LRTM1: variants seen among roughly 807,000 people sequenced by gnomAD.
LRTM1 encodes leucine-rich repeat and transmembrane domain-containing protein 1.
Under a neutral mutation model 32.4 loss-of-function variants are expected in LRTM1, and 38 were observed. That is an observed-to-expected ratio of 1.17 (90% CI 0.91 to 1.54). The LOEUF (loss-of-function observed/expected upper bound fraction) is 1.54. LRTM1 is among the 40% of genes most tolerant of loss of function. The pLI is 0.00. For missense variants in LRTM1, 466 were observed against 415.4 expected, an observed-to-expected ratio of 1.12 and a Z score of -1.06; for synonymous variants, 186 against 169.9, an observed-to-expected ratio of 1.09 and a Z score of -0.74.
At chr3:54,950,350 T>C (rs1701728034) in intron 1 of LRTM1, among the ~76,000 whole-genome samples, 1 of 152,186 alleles carries the variant, frequency 6.6e-6, no homozygotes, top group Non-Finnish European at 1.5e-5. Context: ...AAAGGCCCCT[T>C]TTAATCTGCT....
intron 1 of LRTM1, among the ~76,000 whole-genome samples, chr3:54,949,388 A>T (rs1437852831): frequency 4.6e-5 from 7 of 152,214 alleles, no homozygotes; most frequent in Non-Finnish European, 8.8e-5. Context: ...TGGCAAAAGT[A>T]ACAGCTGTCT....
intron 1 of LRTM1, among the ~76,000 whole-genome samples, chr3:54,952,901 G>A (rs1050229197): frequency 2.0e-5 from 3 of 152,138 alleles, no homozygotes; most frequent in Non-Finnish European, 2.9e-5. Flanking sequence ...ACTAGGTCTG[G>A]CTTACTTGTC....
upstream of LRTM1, among the ~76,000 whole-genome samples, chr3:54,932,530 T>G (rs1161383270): frequency 6.6e-6 from 1 of 152,212 alleles, no homozygotes; most frequent in Non-Finnish European, 1.5e-5. Flanking sequence ...CACATTTCCT[T>G]TACTGGAATA....
intron 1 of LRTM1, among the ~76,000 whole-genome samples, chr3:54,934,834 T>A (rs1245290327): frequency 6.6e-6 from 1 of 152,064 alleles, no homozygotes; most frequent in Non-Finnish European, 1.5e-5. Context: ...AAGGTTCAAG[T>A]GATTCTCATG....
chr3:54,919,029 T>A, intron 2 of LRTM1, 137 bp from the exon 3 acceptor site: 3 of 672,558 alleles, frequency 4.5e-6, no homozygotes, highest in Non-Finnish European at 6.8e-6. Context: ...TCAAAGAATT[T>A]AACAACCATA....
At chr3:54,952,779 C>T (rs1035199278) in intron 1 of LRTM1, among the ~76,000 whole-genome samples, 39 of 152,174 alleles carry the variant, frequency 2.6e-4, no homozygotes, top group African/African-American at 9.2e-4. Context: ...TCAATGCCCT[C>T]AGCTGTAGAA....
chr3:54,921,666 G>A (rs759779921), intron 2 of LRTM1, among the ~76,000 whole-genome samples: 33 of 152,098 alleles, frequency 2.2e-4, no homozygotes, highest in Admixed American at 7.2e-4. Context: ...CGTGTAATCC[G>A]CCATGCATTT....
chr3:54,962,219 A>G (rs1702047352), intron 1 of LRTM1, among the ~76,000 whole-genome samples: 1 of 152,200 alleles, frequency 6.6e-6, no homozygotes, highest in South Asian at 2.1e-4. Context: ...ACCATAGCAC[A>G]GGTTTTGAAT....
chr3:54,938,089 A>C (rs943425587), intron 1 of LRTM1, among the ~76,000 whole-genome samples: 1 of 152,178 alleles, frequency 6.6e-6, no homozygotes, highest in African/African-American at 2.4e-5. Flanking sequence ...TTTGATGTGG[A>C]GTTGGCAGTT....
chr3:54,942,229 C>G (rs899376416), intron 1 of LRTM1, among the ~76,000 whole-genome samples: 3 of 152,128 alleles, frequency 2.0e-5, no homozygotes, highest in African/African-American at 7.2e-5. Flanking sequence ...TAACGCCAGC[C>G]CATGGTCCCT....
intron 2 of LRTM1, among the ~76,000 whole-genome samples, chr3:54,920,197 C>T (rs1430153534): frequency 6.6e-6 from 1 of 152,226 alleles, no homozygotes; most frequent in Non-Finnish European, 1.5e-5. Context: ...TATTAGCACC[C>T]TCCATTGCAT....
At chr3:54,957,337 T>TG (rs1342702798) in intron 1 of LRTM1, among the ~76,000 whole-genome samples, 2 of 151,984 alleles carry the variant, frequency 1.3e-5, no homozygotes, top group Non-Finnish European at 2.9e-5. Context: ...TTTATAGAGA[T>TG]GGGGTCTCAC....
At chr3:54,938,580 A>C (rs1701385529) in intron 1 of LRTM1, among the ~76,000 whole-genome samples, 1 of 152,098 alleles carries the variant, frequency 6.6e-6, no homozygotes, top group Non-Finnish European at 1.5e-5. Context: ...GAGAATTTGA[A>C]TCATGCCCTG....
At chr3:54,922,836 CTT>C (rs930211589) in intron 2 of LRTM1, among the ~76,000 whole-genome samples, 2 of 152,166 alleles carry the variant, frequency 1.3e-5, no homozygotes, top group African/African-American at 4.8e-5. Flanking sequence ...CCAGTCCCCT[CTT>C]TGCCCCTTGT....
intron 1 of LRTM1, among the ~76,000 whole-genome samples, chr3:54,950,063 A>G (rs747752489): frequency 6.6e-6 from 1 of 152,218 alleles, no homozygotes; most frequent in Non-Finnish European, 1.5e-5. Flanking sequence ...TTTCAGGGCC[A>G]TGCTAAGTGG....
At chr3:54,938,457 A>C (rs1320598358) in intron 1 of LRTM1, among the ~76,000 whole-genome samples, 1 of 152,186 alleles carries the variant, frequency 6.6e-6, no homozygotes, top group African/African-American at 2.4e-5. Context: ...GCACCATGCT[A>C]ACATAATCCT....
chr3:54,918,353 T>G lies in LRTM1; in HGVS notation c.*106A>C. On this transcript the variant is annotated 3_prime_UTR_variant, in exon 3 of 3. Coordinates refer to ENST00000273286, the MANE Select transcript of LRTM1 (RefSeq NM_020678.4). ...TTTTCTTTTTTTTTTTTTTTTTTTT[T>G]TTGTCTTTTGGCAAAAGCAAAATCA... is the stretch of plus-strand genomic sequence containing the variant. The G allele has an allele frequency of 3.3e-5, 12 of 364,076 alleles. 1 individual carries two copies. The highest frequency in any genetic ancestry group is 1.5e-4 in the South Asian group (2 of 13,388). The allele number at this position is 364,076 out of a possible 1,614,324, so 22.6% of individuals were successfully genotyped here.
At chr3:54,954,254 T>G (rs1701826812) in intron 1 of LRTM1, among the ~76,000 whole-genome samples, 1 of 152,170 alleles carries the variant, frequency 6.6e-6, no homozygotes, top group Admixed American at 6.5e-5. Context: ...TTCGAGTCAG[T>G]CGGCAGCTCC....
At chr3:54,934,338 C>G (rs1472834792) in intron 1 of LRTM1, among the ~76,000 whole-genome samples, 1 of 152,162 alleles carries the variant, frequency 6.6e-6, no homozygotes, top group East Asian at 1.9e-4. Flanking sequence ...TTGAGCCGTT[C>G]AGTGGAGAAC....
Sources: allele counts gnomAD v4.1 joint callset (sites outside exome capture counted in the v4.1 genomes callset), GRCh38; gene constraint gnomAD v4.1.1; transcripts MANE v1.5; gene names NCBI Gene and HGNC (gene_info 2026-07-23, HGNC 2026-07-21).